The following PPARGC1A variants were observed in gnomAD, a reference collection of about 807,000 sequenced individuals.
PPARGC1A encodes the protein peroxisome proliferator-activated receptor gamma coactivator 1-alpha.
In PPARGC1A, 25 loss-of-function variants were observed where a neutral mutation model predicts 88.7. The ratio of observed to expected loss-of-function variants is 0.28; its 90% CI spans 0.21 to 0.39. The LOEUF (loss-of-function observed/expected upper bound fraction) is 0.39. PPARGC1A is among the 10% of genes least tolerant of loss of function. The pLI, the probability that PPARGC1A is intolerant of heterozygous loss-of-function variation, is 1.00. For missense variants in PPARGC1A, 880 were observed against 968.7 expected (o/e 0.91, Z 1.22); for synonymous variants, 363 against 355.6 (o/e 1.02, Z -0.24).
At chr4:23,879,397 A>C (rs560508738) in intron 2 of PPARGC1A, among the ~76,000 whole-genome samples, 46 of 152,318 alleles carry the variant, frequency 3.0e-4, no homozygotes, top group Middle Eastern at 3.4e-3. Flanking sequence ...AGGCAGTGGA[A>C]AGATAGAGGG....
the PPARGC1A span, among the ~76,000 whole-genome samples, chr4:23,978,305 A>G: frequency 6.6e-6 from 1 of 152,302 alleles, no homozygotes; most frequent in South Asian, 2.1e-4. Flanking sequence ...CAGTTAGACT[A>G]TGCTCCATTT....
At chr4:24,222,027 G>C in the PPARGC1A span, among the ~76,000 whole-genome samples, 2 of 152,126 alleles carry the variant, frequency 1.3e-5, no homozygotes, top group South Asian at 2.1e-4. Context: ...TAACACACTG[G>C]GGGGAAGGTA....
At chr4:24,130,636 C>A in the PPARGC1A span, among the ~76,000 whole-genome samples, 1 of 152,108 alleles carries the variant, frequency 6.6e-6, no homozygotes, top group Non-Finnish European at 1.5e-5. Flanking sequence ...TCCTAGAAAC[C>A]GCCCCACCAA....
At chr4:24,216,186 C>G in the PPARGC1A span, among the ~76,000 whole-genome samples, 1 of 146,478 alleles carries the variant, frequency 6.8e-6, no homozygotes, top group South Asian at 2.2e-4. Context: ...CTCTCCCTGT[C>G]GCCCAGACCG....
the PPARGC1A span, among the ~76,000 whole-genome samples, chr4:24,155,893 C>G: frequency 2.0e-5 from 3 of 152,178 alleles, no homozygotes; most frequent in South Asian, 2.1e-4. Context: ...AAGAAAGGAA[C>G]TAGCAAGCAC....
chr4:24,044,121 G>A, the PPARGC1A span, among the ~76,000 whole-genome samples: 2 of 152,142 alleles, frequency 1.3e-5, no homozygotes, highest in East Asian at 1.9e-4. Flanking sequence ...CAACCGTAAC[G>A]CCTAGGCTGA....
At chr4:24,415,046 T>C in the PPARGC1A span, among the ~76,000 whole-genome samples, 1 of 152,030 alleles carries the variant, frequency 6.6e-6, no homozygotes, top group African/African-American at 2.4e-5. Context: ...AAAAATTAGC[T>C]GAGTGCAGTG....
the PPARGC1A span, among the ~76,000 whole-genome samples, chr4:24,421,154 A>T: frequency 1.3e-5 from 2 of 152,124 alleles, no homozygotes; most frequent in South Asian, 4.1e-4. Flanking sequence ...AAAAAACAAC[A>T]AACAAACAAA....
chr4:24,254,007 A>G, the PPARGC1A span, among the ~76,000 whole-genome samples: 1 of 152,308 alleles, frequency 6.6e-6, no homozygotes, highest in South Asian at 2.1e-4. Flanking sequence ...TGATTTAATA[A>G]TATTATTTTT....
chr4:24,150,021 A>G, the PPARGC1A span, among the ~76,000 whole-genome samples: 1 of 152,210 alleles, frequency 6.6e-6, no homozygotes, highest in African/African-American at 2.4e-5. Context: ...TAGTAAATCA[A>G]TAACTCGTAG....
the PPARGC1A span, among the ~76,000 whole-genome samples, chr4:24,149,237 G>A: frequency 6.6e-6 from 1 of 152,100 alleles, no homozygotes; most frequent in African/African-American, 2.4e-5. Flanking sequence ...CTTGCATGGT[G>A]AATCAAGAAT....
At chr4:24,419,571 G>T in the PPARGC1A span, among the ~76,000 whole-genome samples, 6 of 151,232 alleles carry the variant, frequency 4.0e-5, no homozygotes, top group African/African-American at 1.5e-4. Context: ...TGCCACAGCC[G>T]AACTATGTAA....
At chr4:24,298,954 AACC>A in the PPARGC1A span, among the ~76,000 whole-genome samples, 1 of 152,198 alleles carries the variant, frequency 6.6e-6, no homozygotes, top group African/African-American at 2.4e-5. Context: ...TAATGATAAG[AACC>A]TAAACAACTC....
chr4:24,024,985 C>T, the PPARGC1A span, among the ~76,000 whole-genome samples: 10 of 152,254 alleles, frequency 6.6e-5, no homozygotes, highest in Admixed American at 1.3e-4. Flanking sequence ...ATAGAAGTAA[C>T]GACATGTTAC....
chr4:24,155,934 G>A, the PPARGC1A span, among the ~76,000 whole-genome samples: 9 of 152,146 alleles, frequency 5.9e-5, no homozygotes, highest in Admixed American at 2.6e-4. Context: ...GTGGGTCCAT[G>A]CAAAATGAGA....
chr4:23,946,505 A>G, the PPARGC1A span, among the ~76,000 whole-genome samples: 6 of 152,158 alleles, frequency 3.9e-5, no homozygotes, highest in Admixed American at 3.3e-4. Flanking sequence ...GGACAAGAGG[A>G]TTTCCCAGTG....
the PPARGC1A span, among the ~76,000 whole-genome samples, chr4:24,055,560 C>A: frequency 6.6e-6 from 1 of 152,234 alleles, no homozygotes; most frequent in East Asian, 1.9e-4. Flanking sequence ...AGAAATAGAG[C>A]CACAAAAGTA....
At chr4:24,212,401 T>G in the PPARGC1A span, among the ~76,000 whole-genome samples, 1 of 152,224 alleles carries the variant, frequency 6.6e-6, no homozygotes, top group Non-Finnish European at 1.5e-5. Flanking sequence ...AACTCTGACA[T>G]GTATTAGCTG....
the PPARGC1A span, among the ~76,000 whole-genome samples, chr4:24,052,438 A>G: frequency 6.6e-6 from 1 of 151,956 alleles, no homozygotes; most frequent in Non-Finnish European, 1.5e-5. Context: ...GGACTTTGAG[A>G]CCAGCCTGGC....
Sources: allele counts gnomAD v4.1 joint callset (sites outside exome capture counted in the v4.1 genomes callset), GRCh38; gene constraint gnomAD v4.1.1; transcripts MANE v1.5; gene names NCBI Gene and HGNC (gene_info 2026-07-23, HGNC 2026-07-21).